HAUS6: variants seen among roughly 807,000 people sequenced by gnomAD.
HAUS6 encodes the protein HAUS augmin-like complex subunit 6.
In HAUS6, 80 loss-of-function variants were observed where a neutral mutation model predicts 106.8. The observed-to-expected ratio is 0.75, with a 90% CI of 0.63 to 0.90. The LOEUF (loss-of-function observed/expected upper bound fraction) is 0.90, where lower values mean the gene tolerates loss of function less well. Ranked by LOEUF, HAUS6 falls within the 40% of genes least tolerant of loss-of-function variation. HAUS6 has a pLI of 0.00. For synonymous variants in HAUS6, 356 were observed against 379.1 expected (o/e 0.94, Z 0.71); for missense variants, 1,155 against 1,118.1 (o/e 1.03, Z -0.47).
intron 15 of HAUS6, among the ~76,000 whole-genome samples, chr9:19,059,865 T>C (rs1049612507): frequency 6.6e-6 from 1 of 152,050 alleles, no homozygotes; most frequent in African/African-American, 2.4e-5. Flanking sequence ...AAAGACAAAA[T>C]TGTACATTAT....
chr9:19,089,769 T>A (rs1817705751), intron 4 of HAUS6: 5 of 537,290 alleles, frequency 9.3e-6, no homozygotes, highest in Admixed American at 7.1e-5. Flanking sequence ...TAACATCACG[T>A]AACTAACAAC....
Position 19,086,719 on chromosome 9 carries a change from T to C in HAUS6, c.699+15A>G. 8.8e-7 allele frequency: 1 copy of C among 1,139,002 alleles called. No individual in the cohort carries two copies. The highest frequency in any genetic ancestry group is 2.4e-5 in the East Asian group (1 of 42,232). The allele number at this position is 1,139,002 out of a possible 1,614,324, so 70.6% of individuals were successfully genotyped here. ...TTTTAAAAGATTAAATTTCTCCTTT[T>C]ATAAGTTGTCTCACCTTTTGAATTT... On this transcript the variant is annotated intron_variant, in intron 7 of 16. Coordinates refer to ENST00000380502, the MANE Select transcript of HAUS6 (RefSeq NM_017645.5).
At position 19,060,101 on chromosome 9, in the gene HAUS6, A is replaced by C. The variant is rs778530159; in HGVS notation, c.1752T>G (p.Thr584=). ...PFLTRNQIPR[T]PENLITEIRS... is the part of the protein sequence containing the mutation. ...TTATTAACTTACTCAAGTTTTCTGG[A>C]GTACGGGGAATCTGATTCCTTGTTA... Residue 584 remains threonine (T), a synonymous_variant, in exon 15 of 17, where the codon ACT becomes ACG. Coordinates refer to ENST00000380502, the MANE Select transcript of HAUS6 (RefSeq NM_017645.5). 7 of 1,606,772 alleles carry C rather than the reference A, an allele frequency of 4.4e-6. No individual in the cohort carries two copies. The Admixed American group carries it at 1.2e-4, about 28-fold the overall frequency.
At chr9:19,101,651 G>A (rs1470680831) in intron 1 of HAUS6, among the ~76,000 whole-genome samples, 1 of 152,174 alleles carries the variant, frequency 6.6e-6, no homozygotes, top group African/African-American at 2.4e-5. Context: ...GCCGGGCACG[G>A]TGGCTCACGC....
intron 1 of HAUS6, 55 bp downstream of exon 1, chr9:19,102,469 C>T (rs1020028087): frequency 8.2e-5 from 129 of 1,576,862 alleles, no homozygotes; most frequent in Non-Finnish European, 1.1e-4. Flanking sequence ...AAGGGGGAGT[C>T]CCCCGGCGTC....
At chr9:19,074,189 A>G (rs756346836) in intron 11 of HAUS6, among the ~76,000 whole-genome samples, 5 of 152,146 alleles carry the variant, frequency 3.3e-5, no homozygotes, top group South Asian at 2.1e-4. Flanking sequence ...GAAGGTTGCA[A>G]TGAGCCGAGA....
intron 4 of HAUS6, among the ~76,000 whole-genome samples, chr9:19,090,527 G>C (rs969163642): frequency 8.5e-5 from 13 of 152,104 alleles, no homozygotes; most frequent in African/African-American, 2.9e-4. Context: ...ACCACGCCCG[G>C]CTAATTTTTT....
chr9:19,063,542 T>C lies in HAUS6; in HGVS notation c.1415A>G (p.Asp472Gly). 1 of 1,602,928 alleles carries C rather than the reference T, an allele frequency of 6.2e-7. No homozygotes were observed. The highest frequency in any genetic ancestry group is 8.5e-7 in the Non-Finnish European group (1 of 1,169,820). The change falls in exon 13 of 17, where the codon GAT (aspartate) becomes GGT (glycine). Residue 472 changes from aspartate to glycine, a missense_variant. Asp to Gly is a moderately conservative substitution (Grantham distance 94, BLOSUM62 -1). Around this residue, in one of 3 missense-constraint regions of HAUS6, gnomAD observed 761 missense variants for 690.0 expected, o/e 1.10. Transcript: ENST00000380502. ...SFLSQSVSSS[D>G]RNSVTVLEKD... The stretch of plus-strand genomic sequence containing the variant: ...TTCAAGTACTGTAACACTGTTTCTA[T>C]CTGATGATGAAACTGACTGCGACAA...
At chr9:19,068,236 C>T (rs957262325) in intron 12 of HAUS6, among the ~76,000 whole-genome samples, 6 of 152,114 alleles carry the variant, frequency 3.9e-5, no homozygotes, top group Middle Eastern at 3.2e-3. Context: ...AGGCCAGTAA[C>T]TTTACTATCT....
intron 15 of HAUS6, 114 bp from the exon 16 acceptor site, chr9:19,059,115 T>C: frequency 1.6e-6 from 1 of 638,064 alleles, no homozygotes; most frequent in Non-Finnish European, 2.7e-6. Context: ...ACATGTTCCA[T>C]AAATATACTG....
rs574645495 is a variant in HAUS6 at position 19,054,078 on chromosome 9, A to G, written c.*2265T>C. 6.6e-6 allele frequency: 1 copy of G among 152,196 alleles called. No individual in the cohort carries two copies. Among genetic ancestry groups the G allele is most frequent in the Non-Finnish European group, 1.5e-5 (1 of 68,036 alleles). 9.4% of individuals were successfully genotyped at this position (152,196 alleles called of 1,614,324 possible). The stretch of plus-strand genomic sequence containing the variant: ...GGATTAAGACTTCAAGACGGAAGTG[A>G]GATTTTTTTCTGAGGCTTAAAAGAG... On this transcript the variant is annotated 3_prime_UTR_variant, in exon 17 of 17. Coordinates refer to ENST00000380502, the MANE Select transcript of HAUS6 (RefSeq NM_017645.5).
At position 19,075,167 on chromosome 9, in the gene HAUS6, T is replaced by C. The variant is rs1274424273; in HGVS notation, c.1294+1435A>G. On this transcript the variant is annotated intron_variant, in intron 11 of 16. Coordinates refer to ENST00000380502, the MANE Select transcript of HAUS6 (RefSeq NM_017645.5). The stretch of plus-strand genomic sequence containing the variant: ...TCTATATATGATATGATTCCATCCA[T>C]ATGAAAATCCAGAACAGGGAAATCT... Among the ~76,000 whole-genome samples the C allele has an allele frequency of 3.3e-5, 5 of 152,176 alleles. No individual in the cohort carries two copies. In the South Asian group the frequency reaches 6.2e-4, roughly 19 times the overall value.
intron 7 of HAUS6, among the ~76,000 whole-genome samples, chr9:19,085,594 G>C (rs1837270705): frequency 1.4e-5 from 2 of 147,000 alleles, no homozygotes; most frequent in African/African-American, 5.1e-5. Flanking sequence ...TCACAACAAA[G>C]AGCTTGAGAG....
At chr9:19,083,410 A>T (rs1166983373) in intron 7 of HAUS6, among the ~76,000 whole-genome samples, 1 of 152,112 alleles carries the variant, frequency 6.6e-6, no homozygotes, top group Non-Finnish European at 1.5e-5. Flanking sequence ...ACCCAGCTCC[A>T]AATCTAAGAA....
At chr9:19,078,381 T>G (rs545127553) in intron 9 of HAUS6, 79 bp from the exon 10 acceptor site, 1 of 815,054 alleles carries the variant, frequency 1.2e-6, no homozygotes, top group East Asian at 2.6e-5. Context: ...ATAACAATAG[T>G]TGTAGAGAAG....
intron 12 of HAUS6, among the ~76,000 whole-genome samples, chr9:19,066,117 A>G (rs4439216): frequency 0.45 from 68,251 of 151,224 alleles, 16,628 homozygotes; most frequent in African/African-American, 0.66. Flanking sequence ...TGTAGTTTTA[A>G]TAGGGACAGG....
chr9:19,080,001 C>T (rs1266458169), intron 9 of HAUS6, among the ~76,000 whole-genome samples: 1 of 151,334 alleles, frequency 6.6e-6, no homozygotes, highest in Non-Finnish European at 1.5e-5. Context: ...ATGGAGAAAA[C>T]CCATCTCTAC....
intron 8 of HAUS6, 69 bp downstream of exon 8, chr9:19,082,804 C>G: frequency 1.3e-6 from 1 of 784,924 alleles, no homozygotes; most frequent in Non-Finnish European, 1.9e-6. Context: ...AGCAGAAGAA[C>G]ATTGCAAGAA....
intron 9 of HAUS6, among the ~76,000 whole-genome samples, chr9:19,079,843 T>C (rs1472784804): frequency 2.0e-5 from 3 of 150,544 alleles, no homozygotes; most frequent in Non-Finnish European, 4.4e-5. Context: ...ATCACACCAT[T>C]GCACTCTAGC....
Sources: allele counts gnomAD v4.1 joint callset (sites outside exome capture counted in the v4.1 genomes callset), GRCh38; gene constraint gnomAD v4.1.1; regional missense constraint gnomAD v4.1.1; transcripts MANE v1.5; gene names NCBI Gene and HGNC (gene_info 2026-07-23, HGNC 2026-07-21).